The following CAB39L variants were observed in gnomAD, a reference collection of about 807,000 sequenced individuals.
The protein encoded by CAB39L is calcium-binding protein 39-like.
Under a neutral mutation model 39.1 loss-of-function variants are expected in CAB39L, and 23 were observed. The ratio of observed to expected loss-of-function variants is 0.59; its 90% CI spans 0.42 to 0.83. CAB39L has a LOEUF of 0.83. CAB39L is among the 40% of genes least tolerant of loss of function. CAB39L has a pLI of 0.00. For missense variants in CAB39L, 366 were observed against 391.9 expected (o/e 0.93, Z 0.56); for synonymous variants, 126 against 137.2 (o/e 0.92, Z 0.57).
At chr13:49,443,094 A>AG (rs1957571121) in intron 1 of CAB39L, among the ~76,000 whole-genome samples, 1 of 151,424 alleles carries the variant, frequency 6.6e-6, no homozygotes, top group Non-Finnish European at 1.5e-5. Flanking sequence ...AAAAAAAAAA[A>AG]AAAAAAAGGA....
At chr13:49,415,629 T>A (rs574206734) in intron 3 of CAB39L, among the ~76,000 whole-genome samples, 38 of 152,078 alleles carry the variant, frequency 2.5e-4, no homozygotes, top group Non-Finnish European at 4.0e-4. Context: ...GACTTCTGAG[T>A]TTCCATTATA....
chr13:49,334,366 C>T (rs186445965), intron 9 of CAB39L, among the ~76,000 whole-genome samples: 8 of 152,304 alleles, frequency 5.3e-5, no homozygotes, highest in South Asian at 2.1e-4. Context: ...AGATGCCGTT[C>T]CCAGCCTCTG....
At chr13:49,349,287 T>G (rs1411587831) in intron 7 of CAB39L, among the ~76,000 whole-genome samples, 1 of 152,008 alleles carries the variant, frequency 6.6e-6, no homozygotes, top group East Asian at 1.9e-4. Context: ...GAAATACATA[T>G]TTAAGGTAAT....
At chr13:49,409,389 T>C (rs17481628) in intron 3 of CAB39L, among the ~76,000 whole-genome samples, 18,388 of 151,700 alleles carry the variant, frequency 0.12, 1,387 homozygotes, top group Middle Eastern at 0.19. Flanking sequence ...TTTCCAAGTG[T>C]TGGATATAAA....
At chr13:49,440,135 TTAGTCATAAATTC>T (rs1262017969) in intron 1 of CAB39L, among the ~76,000 whole-genome samples, 1 of 152,164 alleles carries the variant, frequency 6.6e-6, no homozygotes, top group Non-Finnish European at 1.5e-5. Flanking sequence ...TTTTGAAGAC[TTAGTCATAAATTC>T]TTTCCCAAGG....
intron 3 of CAB39L, among the ~76,000 whole-genome samples, chr13:49,406,333 A>ATT (rs34078174): frequency 0.27 from 23,966 of 89,450 alleles, 2,666 homozygotes; most frequent in South Asian, 0.44. Context: ...ATGCCCAGCT[A>ATT]TTTTTTTTTT....
At chr13:49,339,125 CTTTTTTTTT>C (rs1215081648) in intron 9 of CAB39L, among the ~76,000 whole-genome samples, 4 of 99,910 alleles carry the variant, frequency 4.0e-5, no homozygotes, top group East Asian at 5.2e-4. Context: ...TTTTACATGT[CTTTTTTTTT>C]TTTTTTTTTT....
chr13:49,367,258 C>T (rs1046594012), intron 5 of CAB39L, among the ~76,000 whole-genome samples: 1 of 152,102 alleles, frequency 6.6e-6, no homozygotes, highest in Non-Finnish European at 1.5e-5. Context: ...GCAACAAGCA[C>T]ATAAAAGACG....
Position 49,377,005 on chromosome 13 carries a change from C to G in CAB39L, c.238G>C (p.Val80Leu). 6.2e-7 allele frequency: 1 copy of G among 1,613,076 alleles called. No homozygotes were observed. Among genetic ancestry groups the G allele is most frequent in the Non-Finnish European group, 8.5e-7 (1 of 1,179,282 alleles). Residue 80 changes from valine (V) to leucine (L), a missense_variant, in exon 5 of 11, where the codon GTG becomes CTG. By Grantham distance (32) the Val-to-Leu change is conservative. Transcript: ENST00000409308. The stretch of plus-strand genomic sequence containing the variant: ...AGCTGCAGGTCAGCTATCAGTGTCA[C>G]TAGCAGGCCACTGCTGTAGAGTTCT... Reference protein sequence around the residue: ...AQELYSSGLLVTLIADLQLID... With the variant: ...AQELYSSGLLLTLIADLQLID...
intron 3 of CAB39L, among the ~76,000 whole-genome samples, chr13:49,384,485 A>G (rs969823981): frequency 1.6e-4 from 25 of 152,308 alleles, no homozygotes; most frequent in African/African-American, 5.0e-4. Flanking sequence ...AATGTTCTTA[A>G]TGGCATCTAG....
intron 3 of CAB39L, among the ~76,000 whole-genome samples, chr13:49,394,175 G>A (rs1425168612): frequency 3.3e-5 from 5 of 151,872 alleles, no homozygotes; most frequent in Non-Finnish European, 7.4e-5. Context: ...CTGAAAGATG[G>A]AGGGCTAATA....
intron 5 of CAB39L, among the ~76,000 whole-genome samples, chr13:49,363,117 A>C (rs1228975809): frequency 1.3e-5 from 2 of 152,218 alleles, no homozygotes; most frequent in Non-Finnish European, 2.9e-5. Flanking sequence ...AACCTGAAAG[A>C]AAAGGATGTT....
At chr13:49,390,025 T>C (rs1956453951) in intron 3 of CAB39L, among the ~76,000 whole-genome samples, 1 of 152,114 alleles carries the variant, frequency 6.6e-6, no homozygotes, top group African/African-American at 2.4e-5. Context: ...GTTTGCCATG[T>C]TACCCAGGCT....
chr13:49,382,447 G>A lies in CAB39L; in HGVS notation c.111+353C>T, dbSNP rs373553405. On this transcript the variant is annotated intron_variant, in intron 4 of 10. Transcript: ENST00000409308. Reference sequence around the variant, plus strand: ...CCCCACTTAATAAGACCTTAAAACCGTATGAAAATGAGATTCACTGTAACA... The same window carrying A: ...CCCCACTTAATAAGACCTTAAAACCATATGAAAATGAGATTCACTGTAACA... The A allele has an allele frequency of 4.0e-4, 64 of 158,836 alleles. No homozygotes were observed. In the East Asian group the frequency reaches 9.8e-3, roughly 24 times the overall value. 9.8% of individuals were successfully genotyped at this position (158,836 alleles called of 1,614,324 possible).
At chr13:49,314,231 T>C (rs1184972628) in intron 10 of CAB39L, among the ~76,000 whole-genome samples, 1 of 151,920 alleles carries the variant, frequency 6.6e-6, no homozygotes, top group Admixed American at 6.6e-5. Context: ...GGAACCTGGG[T>C]TCAAATTCCA....
intron 10 of CAB39L, among the ~76,000 whole-genome samples, chr13:49,317,535 A>C (rs1298315287): frequency 2.6e-5 from 4 of 152,176 alleles, no homozygotes; most frequent in South Asian, 2.1e-4. Flanking sequence ...GTCTCAAAAA[A>C]CAAACAAACA....
chr13:49,355,277 G>T (rs1395195591), intron 6 of CAB39L, among the ~76,000 whole-genome samples: 3 of 152,014 alleles, frequency 2.0e-5, no homozygotes, highest in African/African-American at 7.2e-5. Flanking sequence ...GGCTATTTGG[G>T]AGGCTGAGTC....
intron 3 of CAB39L, among the ~76,000 whole-genome samples, chr13:49,389,425 GA>G (rs1956440009): frequency 6.6e-6 from 1 of 152,160 alleles, no homozygotes. Context: ...TGGATCACTT[GA>G]GTCCAGGAGT....
At chr13:49,401,808 T>C (rs1285420398) in intron 3 of CAB39L, among the ~76,000 whole-genome samples, 2 of 152,206 alleles carry the variant, frequency 1.3e-5, no homozygotes, top group Non-Finnish European at 2.9e-5. Flanking sequence ...ATGTTGATAG[T>C]AATAATAACA....
Sources: allele counts gnomAD v4.1 joint callset (sites outside exome capture counted in the v4.1 genomes callset), GRCh38; gene constraint gnomAD v4.1.1; transcripts MANE v1.5; gene names NCBI Gene and HGNC (gene_info 2026-07-23, HGNC 2026-07-21).